RRP12: variants seen among roughly 807,000 people sequenced by gnomAD.
RRP12 encodes the protein ribosomal RNA processing 12 homolog.
A neutral mutation model predicts 157.3 loss-of-function variants in RRP12; 78 were observed. The ratio of observed to expected loss-of-function variants is 0.50; its 90% confidence interval spans 0.41 to 0.60. The LOEUF is 0.60. Ranked by LOEUF, RRP12 falls within the 20% of genes least tolerant of loss-of-function variation. RRP12 has a pLI of 0.00. For missense variants in RRP12, 1,521 were observed against 1,679.9 expected, an observed-to-expected ratio of 0.91 and a Z score of 1.65; for synonymous variants, 726 against 670.9, an observed-to-expected ratio of 1.08 and a Z score of -1.27.
chr10:97,372,056 T>C lies in RRP12; in HGVS notation c.2343+17A>G, dbSNP rs1844170614. The C allele has an allele frequency of 6.9e-6, 11 of 1,595,228 alleles. No individual in the cohort carries two copies. Among genetic ancestry groups the C allele is most frequent in the African/African-American group, 1.3e-5 (1 of 74,576 alleles). On this transcript the variant is annotated intron_variant, in intron 20 of 33. Transcript: ENST00000370992. ...CCCAAGCGTGGCTGTGTGGCGCTCCTGGCCCCCGAGGCTCACCTCTAGGTA... is the reference window on the plus strand; with the variant it reads ...CCCAAGCGTGGCTGTGTGGCGCTCCCGGCCCCCGAGGCTCACCTCTAGGTA...
chr10:97,400,676 T>C (rs989811491), intron 1 of RRP12, 142 bp from the exon 2 acceptor site: 1 of 663,954 alleles, frequency 1.5e-6, no homozygotes, highest in Non-Finnish European at 2.5e-6. Flanking sequence ...ATAAAACCAC[T>C]GTATGCCTAA....
intron 10 of RRP12, among the ~76,000 whole-genome samples, chr10:97,382,189 T>C (rs1487901843): frequency 1.3e-5 from 2 of 151,500 alleles, no homozygotes; most frequent in Admixed American, 1.3e-4. Flanking sequence ...CTGCTAACTT[T>C]TTTTTTTTTG....
rs576994287 is a variant in RRP12 at position 97,384,853 on chromosome 10, C to G, written c.1208+313G>C. On this transcript the variant is annotated intron_variant, in intron 10 of 33. Coordinates refer to ENST00000370992, the MANE Select transcript of RRP12 (RefSeq NM_015179.4). ...AGCTAGGACGGAGACCCTAAGGACC[C>G]TGCAACCTCAGCCGGGACGGAGGCC... Among the ~76,000 whole-genome samples the G allele has an allele frequency of 4.0e-5, 6 of 151,308 alleles. No homozygotes were observed. In the South Asian group the frequency reaches 1.1e-3, roughly 27 times the overall value.
At chr10:97,367,412 C>G (rs1320692781) in intron 25 of RRP12, 4 of 492,124 alleles carry the variant, frequency 8.1e-6, no homozygotes, top group African/African-American at 1.9e-5. Context: ...ATATCCTCTC[C>G]TTGAATCCTT....
intron 27 of RRP12, 27 bp downstream of exon 27, chr10:97,366,715 G>A (rs1437610275): frequency 6.2e-7 from 1 of 1,605,386 alleles, no homozygotes; most frequent in Admixed American, 1.7e-5. Flanking sequence ...GGGGACACCG[G>A]GTCCCATGGC....
intron 28 of RRP12, 92 bp downstream of exon 28, chr10:97,366,353 GC>G: frequency 6.4e-7 from 1 of 1,556,380 alleles, no homozygotes; most frequent in Non-Finnish European, 8.7e-7. Flanking sequence ...CTGTCCATGG[GC>G]CTGCCATGGA....
At chr10:97,364,758 C>T (rs1843928558) in intron 29 of RRP12, among the ~76,000 whole-genome samples, 1 of 152,086 alleles carries the variant, frequency 6.6e-6, no homozygotes, top group African/African-American at 2.4e-5. Context: ...TGGGTTTCCT[C>T]TGGGCTTGGC....
At position 97,390,739 on chromosome 10, in the gene RRP12, C is replaced by G; in HGVS notation, c.636G>C (p.Trp212Cys). Residue 212 changes from tryptophan (W) to cysteine (C), a missense_variant and splice_region_variant, in exon 5 of 34, where the codon TGG becomes TGC. Transcript: ENST00000370992. ...ASSGSTSVLR[W>C]VLSCLATLLR... Reference sequence around the variant, plus strand: ...GAGAAACTAAACCCCAGACACTAACCCATCGGAGGACAGAGGTGGAGCCGC... The same window carrying G: ...GAGAAACTAAACCCCAGACACTAACGCATCGGAGGACAGAGGTGGAGCCGC... 1 of 1,601,744 alleles carries G rather than the reference C, an allele frequency of 6.2e-7. No individual in the cohort carries two copies. Among genetic ancestry groups the G allele is most frequent in the Non-Finnish European group, 8.6e-7 (1 of 1,168,730 alleles).
At chr10:97,387,935 C>T (rs1389619190) in intron 8 of RRP12, 21 of 166,842 alleles carry the variant, frequency 1.3e-4, no homozygotes, top group African/African-American at 1.8e-4. Flanking sequence ...GAGCAAAACT[C>T]GGTCTCAAAA....
rs200982551 is a variant in RRP12, at chr10:97,367,019, C to T, written c.3047+22G>A. On this transcript the variant is annotated intron_variant, in intron 26 of 33. Coordinates refer to ENST00000370992, the MANE Select transcript of RRP12 (RefSeq NM_015179.4). The stretch of plus-strand genomic sequence containing the variant: ...CTCGGCCCCTCGCTTGCCCTACCCC[C>T]GCCCCTGCTCAGTGCACAGACCCAA... 89 of 1,613,076 alleles carry T rather than the reference C, an allele frequency of 5.5e-5. No individual in the cohort carries two copies. In the African/African-American group the frequency reaches 7.1e-4, roughly 13 times the overall value.
chr10:97,398,001 A>G (rs1450447301), intron 2 of RRP12, among the ~76,000 whole-genome samples: 11 of 76,550 alleles, frequency 1.4e-4, no homozygotes, highest in African/African-American at 4.6e-4. Context: ...ACGTATATAT[A>G]TATACATATA....
At chr10:97,393,437 A>G (rs1215232512) in intron 4 of RRP12, 3 of 644,850 alleles carry the variant, frequency 4.7e-6, no homozygotes, top group Admixed American at 1.9e-5. Context: ...TGCTTTCCCA[A>G]CCTTCTTGGC....
At position 97,372,802 on chromosome 10, in the gene RRP12, A is replaced by G; in HGVS notation, c.2183T>C (p.Leu728Ser). 6.4e-7 allele frequency: 1 copy of G among 1,561,438 alleles called. No homozygotes were observed. The highest frequency in any genetic ancestry group is 2.4e-5 in the East Asian group (1 of 41,832). ...RTYLTITDTQ[L>S]VNSLLEKASE... ...GGCTTTTTCCAGGAGACTGTTCACC[A>G]ACTTGTGGCCCCGAGGGAATGAGGA... Residue 728 changes from leucine to serine, a missense_variant and splice_region_variant, in exon 19 of 34, where the codon TTG (leucine) becomes TCG (serine). Transcript: ENST00000370992.
In RRP12 at chr10:97,365,655, C is replaced by T. The variant is rs188393064; in HGVS notation, c.3517+453G>A. On this transcript the variant is annotated intron_variant, in intron 29 of 33. Transcript: ENST00000370992. ...TAAAGAGAGCTCCGAGATGCCACAC[C>T]GGAGGGACTCCCGGGCAATGTGAGA... 3.3e-5 allele frequency among the ~76,000 whole-genome samples: 5 copies of T among 151,732 alleles called. No homozygotes were observed. In the South Asian group the frequency reaches 6.2e-4, roughly 19 times the overall value.
intron 4 of RRP12, among the ~76,000 whole-genome samples, chr10:97,391,502 T>C (rs767472953): frequency 2.6e-5 from 4 of 151,040 alleles, no homozygotes; most frequent in Non-Finnish European, 5.9e-5. Context: ...ACCCGGGAGG[T>C]GGAGGGTGTG....
At position 97,360,724 on chromosome 10, in the gene RRP12, T is replaced by C. The variant is rs532565196; in HGVS notation, c.3568-106A>G. ...ACCCTGCATCAAGCAGGAGAGGCCC[T>C]CTGCTAAGCACCCCACCTCTCACTT... On this transcript the variant is annotated intron_variant, in intron 30 of 33. Coordinates refer to ENST00000370992, the MANE Select transcript of RRP12 (RefSeq NM_015179.4). The C allele has an allele frequency of 4.1e-4, 338 of 827,518 alleles. 3 individuals are homozygous for C. The South Asian group carries it at 4.6e-3, about 11-fold the overall frequency. The allele number at this position is 827,518 out of a possible 1,614,324, so 51.3% of individuals were successfully genotyped here. A position where few individuals can be genotyped will look rare whatever the true frequency, so the allele number is the denominator to read the frequency against.
chr10:97,387,583 G>C (rs1352853963), intron 8 of RRP12, among the ~76,000 whole-genome samples: 2 of 151,332 alleles, frequency 1.3e-5, no homozygotes, highest in African/African-American at 4.9e-5. Context: ...AAGATTTACA[G>C]AATTGTGCTA....
At chr10:97,401,003 C>A (rs1011297497) in intron 1 of RRP12, 90 bp downstream of exon 1, 3 of 1,482,088 alleles carry the variant, frequency 2.0e-6, no homozygotes, top group African/African-American at 1.4e-5. Flanking sequence ...AATGCCTGGC[C>A]CCGCACTCTC....
Position 97,358,472 on chromosome 10 carries a change from G to A in RRP12, c.3791+65C>T, listed in dbSNP as rs571700304. 4 of 1,225,196 alleles carry A rather than the reference G, an allele frequency of 3.3e-6. No homozygotes were observed. In the African/African-American group the frequency reaches 4.5e-5, roughly 14 times the overall value. 75.9% of individuals were successfully genotyped at this position (1,225,196 alleles called of 1,614,324 possible). The stretch of plus-strand genomic sequence containing the variant: ...GTTTAATAAGGCCTTCCCTTCTTTA[G>A]AGCACTCTGCTCCCTCATCCCCACC... On this transcript the variant is annotated intron_variant, in intron 33 of 33. Transcript: ENST00000370992.
Sources: gnomAD v4.1 joint callset for allele counts (sites outside exome capture counted in the v4.1 genomes callset) on GRCh38, gnomAD v4.1.1 for gene constraint, MANE v1.5 for transcripts, NCBI Gene and HGNC (gene_info 2026-07-23, HGNC 2026-07-21) for gene names.